Variants in FAM184A observed in about 807,000 individuals in gnomAD.
FAM184A encodes the protein protein FAM184A.
In FAM184A, 99 loss-of-function variants were observed where a neutral mutation model predicts 143.8. That is an observed-to-expected ratio of 0.69 (90% CI 0.58 to 0.81). The LOEUF (loss-of-function observed/expected upper bound fraction) is 0.81, where lower values mean the gene tolerates loss of function less well. FAM184A is among the 40% of genes least tolerant of loss of function. FAM184A has a pLI of 0.00. For synonymous variants in FAM184A, 427 were observed against 446.4 expected (o/e 0.96, Z 0.55); for missense variants, 1,217 against 1,310.5 (o/e 0.93, Z 1.10).
At chr6:119,058,139 C>T (rs1291527826) in intron 1 of FAM184A, among the ~76,000 whole-genome samples, 2 of 148,316 alleles carry the variant, frequency 1.3e-5, no homozygotes, top group African/African-American at 5.0e-5. Context: ...ACCTGCCACT[C>T]TCTCATCAAG....
At chr6:119,110,380 A>C (rs1436821409) in intron 1 of FAM184A, among the ~76,000 whole-genome samples, 2 of 152,118 alleles carry the variant, frequency 1.3e-5, no homozygotes, top group Non-Finnish European at 2.9e-5. Context: ...GGAAAGCAAA[A>C]CTTTTGATTT....
Position 118,980,078 on chromosome 6 carries a change from G to C in FAM184A, c.2301+60C>G, listed in dbSNP as rs1183950172. 5 of 1,464,724 alleles carry C rather than the reference G, an allele frequency of 3.4e-6. No homozygotes were observed. In the South Asian group the frequency reaches 3.7e-5, roughly 11 times the overall value. 90.7% of individuals were successfully genotyped at this position (1,464,724 alleles called of 1,614,324 possible). On this transcript the variant is annotated intron_variant, in intron 10 of 17. Coordinates refer to ENST00000338891, the MANE Select transcript of FAM184A (RefSeq NM_024581.6). ...ATAGAAAAAAAAATTTTTTTAATTT[G>C]AAGACTAATTATTATTAGGCAGTTG...
intron 8 of FAM184A, among the ~76,000 whole-genome samples, 180 bp from the exon 9 acceptor site, chr6:119,003,229 CA>C (rs1357892454): frequency 1.3e-5 from 2 of 152,118 alleles, no homozygotes; most frequent in African/African-American, 2.4e-5. Context: ...CAATATCACT[CA>C]TTTATCAATT....
intron 1 of FAM184A, among the ~76,000 whole-genome samples, chr6:119,135,435 A>G (rs927021162): frequency 2.6e-5 from 4 of 152,186 alleles, no homozygotes; most frequent in Admixed American, 6.5e-5. Flanking sequence ...TATTCTTTAA[A>G]CTCTACAGAT....
chr6:119,023,997 G>A lies in FAM184A; in HGVS notation c.976C>T (p.Leu326Phe), dbSNP rs1562478185. ...TCTGCTATGGCAAGTGCCGTCTGAA[G>A]CTTTTGGCATTTGTCAAGAAGACTT... The part of the protein sequence containing the change: ...AGSLLDKCQK[L>F]QTALAIAENN... Residue 326 changes from leucine to phenylalanine, a missense_variant, in exon 2 of 18, where the codon CTT (leucine) becomes TTT (phenylalanine). Leu to Phe is a conservative substitution (Grantham distance 22). Coordinates refer to ENST00000338891, the MANE Select transcript of FAM184A (RefSeq NM_024581.6). 1 of 1,607,164 alleles carries A rather than the reference G, an allele frequency of 6.2e-7. No homozygotes were observed. The highest frequency in any genetic ancestry group is 8.5e-7 in the Non-Finnish European group (1 of 1,178,158).
intron 1 of FAM184A, among the ~76,000 whole-genome samples, chr6:119,071,380 T>G (rs1445088752): frequency 2.6e-5 from 4 of 152,228 alleles, no homozygotes; most frequent in Non-Finnish European, 5.9e-5. Context: ...TGGCAGTCTC[T>G]AAGTTAATGT....
chr6:118,980,288 T>A lies in FAM184A; in HGVS notation c.2151A>T (p.Gln717His). 6.2e-7 allele frequency: 1 copy of A among 1,614,134 alleles called. No homozygotes were observed. Among genetic ancestry groups the A allele is most frequent in the Non-Finnish European group, 8.5e-7 (1 of 1,180,012 alleles). The change falls in exon 10 of 18, where the codon CAA becomes CAT. Residue 717 changes from glutamine (Q) to histidine (H), a missense_variant. Gln to His is a conservative substitution (Grantham distance 24, BLOSUM62 0). Transcript: ENST00000338891. ...QLSQSQTSLQ[Q>H]LQAQFTQERQ... The stretch of plus-strand genomic sequence containing the variant: ...GTTCTTGCGTAAACTGGGCTTGCAG[T>A]TGTTGCAAAGAAGTCTGAGACTGGG...
At chr6:119,026,646 C>T (rs185370148) in intron 1 of FAM184A, among the ~76,000 whole-genome samples, 139 of 152,226 alleles carry the variant, frequency 9.1e-4, no homozygotes, top group African/African-American at 3.2e-3. Context: ...GGGATTTAGA[C>T]ACAACTGACC....
chr6:119,116,794 A>T (rs1425742512), intron 1 of FAM184A, among the ~76,000 whole-genome samples: 1 of 152,228 alleles, frequency 6.6e-6, no homozygotes, highest in Non-Finnish European at 1.5e-5. Flanking sequence ...CTTAGGGAAC[A>T]GTATTTGGAA....
At chr6:118,984,158 A>ATATAT (rs1554265798) in intron 9 of FAM184A, among the ~76,000 whole-genome samples, 22 of 126,948 alleles carry the variant, frequency 1.7e-4, no homozygotes, top group African/African-American at 6.2e-4. Flanking sequence ...TTAAAAAAAA[A>ATATAT]ATATATATAT....
At position 118,974,410 on chromosome 6, in the gene FAM184A, T is replaced by G. The variant is rs372315044; in HGVS notation, c.2915+18A>C. On this transcript the variant is annotated intron_variant, in intron 14 of 17. Transcript: ENST00000338891. ...ATTTATTATCCACATATGAATTTTC[T>G]TATATAATATGACTTACGACACTTG... 1 of 1,594,510 alleles carries G rather than the reference T, an allele frequency of 6.3e-7. No homozygotes were observed. The highest frequency in any genetic ancestry group is 8.5e-7 in the Non-Finnish European group (1 of 1,171,118).
At chr6:119,034,600 G>GT in intron 1 of FAM184A, among the ~76,000 whole-genome samples, 1 of 141,508 alleles carries the variant, frequency 7.1e-6, no homozygotes, top group South Asian at 2.3e-4. Flanking sequence ...TTTGCTTTTT[G>GT]TTTTTTTATT....
At chr6:119,133,382 A>T (rs957478449) in intron 1 of FAM184A, among the ~76,000 whole-genome samples, 1 of 152,212 alleles carries the variant, frequency 6.6e-6, no homozygotes, top group Non-Finnish European at 1.5e-5. Context: ...GGAGATTAAC[A>T]TGCAGGAGGG....
intron 1 of FAM184A, among the ~76,000 whole-genome samples, chr6:119,073,818 G>T (rs1787775833): frequency 6.6e-6 from 1 of 152,208 alleles, no homozygotes; most frequent in Admixed American, 6.5e-5. Context: ...GAGAACAAGA[G>T]AGAGGGCTGA....
At chr6:119,141,433 C>T (rs571954601) in intron 1 of FAM184A, among the ~76,000 whole-genome samples, 1 of 152,190 alleles carries the variant, frequency 6.6e-6, no homozygotes, top group East Asian at 1.9e-4. Flanking sequence ...TGCTGCATGG[C>T]GTGGGCGGGG....
intron 16 of FAM184A, chr6:118,963,158 A>G (rs904621767): frequency 6.6e-6 from 1 of 152,140 alleles, no homozygotes; most frequent in Non-Finnish European, 1.5e-5. Context: ...ACAAAGATGT[A>G]TCTTTTGCAT....
intron 1 of FAM184A, among the ~76,000 whole-genome samples, chr6:119,119,960 G>C (rs950005024): frequency 2.0e-5 from 3 of 152,142 alleles, no homozygotes; most frequent in African/African-American, 7.2e-5. Flanking sequence ...GCACAGCATG[G>C]GTGACACAGC....
At chr6:119,040,302 T>G (rs1786278674) in intron 1 of FAM184A, among the ~76,000 whole-genome samples, 1 of 152,184 alleles carries the variant, frequency 6.6e-6, no homozygotes, top group African/African-American at 2.4e-5. Context: ...CTAACATATT[T>G]GTTGCCGTGA....
chr6:119,058,604 A>G (rs1787101569), intron 1 of FAM184A, among the ~76,000 whole-genome samples: 2 of 152,192 alleles, frequency 1.3e-5, no homozygotes, highest in African/African-American at 4.8e-5. Context: ...CTAGGTCAGT[A>G]GGAGCCTGGC....
Sources: allele counts gnomAD v4.1 joint callset (sites outside exome capture counted in the v4.1 genomes callset), GRCh38; gene constraint gnomAD v4.1.1; transcripts MANE v1.5; gene names NCBI Gene and HGNC (gene_info 2026-07-23, HGNC 2026-07-21).